Variants in CUL5 observed in about 807,000 individuals in gnomAD.
CUL5 encodes the protein cullin 5.
Under a neutral mutation model 108.8 loss-of-function variants are expected in CUL5, and 26 were observed. The ratio of observed to expected loss-of-function variants is 0.24; its 90% confidence interval spans 0.18 to 0.33. The LOEUF (loss-of-function observed/expected upper bound fraction) is 0.33, where lower values mean the gene tolerates loss of function less well. Among genes scored for constraint, CUL5 ranks in the 10% least tolerant of loss-of-function variants. CUL5 has a pLI of 1.00. For synonymous variants in CUL5, 334 were observed against 298.0 expected, an observed-to-expected ratio of 1.12 and a Z score of -1.25; for missense variants, 524 against 909.2, an observed-to-expected ratio of 0.58 and a Z score of 5.45.
chr11:108,080,241 C>T (rs915499592), intron 11 of CUL5, among the ~76,000 whole-genome samples: 2 of 150,420 alleles, frequency 1.3e-5, no homozygotes, highest in Non-Finnish European at 3.0e-5. Context: ...GGACTATAAG[C>T]ACACACCACC....
intron 17 of CUL5, 140 bp downstream of exon 17, chr11:108,097,894 T>C (rs948639670): frequency 1.5e-5 from 8 of 551,308 alleles, no homozygotes; most frequent in Non-Finnish European, 2.6e-5. Flanking sequence ...CATTTAGTTG[T>C]TTATGGAAAA....
intron 7 of CUL5, among the ~76,000 whole-genome samples, chr11:108,056,864 C>G (rs899346992): frequency 2.0e-5 from 3 of 152,124 alleles, no homozygotes; most frequent in African/African-American, 7.2e-5. Context: ...GGCTAGATAT[C>G]ACAGAGAATC....
chr11:108,029,678 A>G (rs190094405), intron 1 of CUL5, among the ~76,000 whole-genome samples: 1 of 152,356 alleles, frequency 6.6e-6, no homozygotes, highest in African/African-American at 2.4e-5. Flanking sequence ...GGAATCTATT[A>G]TAAAAGTTTA....
chr11:108,033,585 A>G (rs1862649433), intron 1 of CUL5, among the ~76,000 whole-genome samples: 8 of 152,158 alleles, frequency 5.3e-5, no homozygotes, highest in African/African-American at 1.2e-4. Context: ...GACAAGGCCA[A>G]ATTCTTCACT....
Position 108,107,030 on chromosome 11 carries a change from A to G in CUL5, c.*2646A>G, listed in dbSNP as rs1254500873. 5 of 150,992 alleles carry G rather than the reference A, an allele frequency of 3.3e-5. No homozygotes were observed. In the South Asian group the frequency reaches 1.1e-3, roughly 32 times the overall value. The allele number at this position is 150,992 out of a possible 1,614,324, so 9.4% of individuals were successfully genotyped here. On this transcript the variant is annotated 3_prime_UTR_variant, in exon 19 of 19. Coordinates refer to ENST00000393094, the MANE Select transcript of CUL5 (RefSeq NM_003478.6). ...GACAGAGTTTAAGAAGTAAAAATAT[A>G]GAAAAATTTTGATGGTCACAATGAG...
At chr11:108,085,479 TGAA>T (rs1218678209) in intron 11 of CUL5, among the ~76,000 whole-genome samples, 2 of 152,148 alleles carry the variant, frequency 1.3e-5, no homozygotes, top group Non-Finnish European at 2.9e-5. Context: ...TTTGGGATAA[TGAA>T]GAAGTTCTAG....
rs192407542 is a variant in CUL5, at chr11:108,075,475, G to A, written c.1113+1978G>A. Among the ~76,000 whole-genome samples the A allele has an allele frequency of 1.1e-3, 175 of 152,286 alleles. 2 individuals carry two copies. In the Middle Eastern group the frequency reaches 0.027, roughly 24 times the overall value. ...GGGAAAAGTATAAGGGATGTGGGAAGGTTTGACAGCATTTGTTACACCAGG... is the reference window on the plus strand; with the variant it reads ...GGGAAAAGTATAAGGGATGTGGGAAAGTTTGACAGCATTTGTTACACCAGG... On this transcript the variant is annotated intron_variant, in intron 10 of 18. Transcript: ENST00000393094.
rs552717977 is a variant in CUL5 at position 108,096,530 on chromosome 11, A to G, written c.1905+839A>G. ...AAGAGAAAGATTGAGTTGGTATTTAAGTGTTACCTGTGAGGAATGTGACCA... is the reference window on the plus strand; with the variant it reads ...AAGAGAAAGATTGAGTTGGTATTTAGGTGTTACCTGTGAGGAATGTGACCA... On this transcript the variant is annotated intron_variant, in intron 16 of 18. Coordinates refer to ENST00000393094, the MANE Select transcript of CUL5 (RefSeq NM_003478.6). Among the ~76,000 whole-genome samples the G allele has an allele frequency of 3.4e-5, 5 of 148,786 alleles. No individual in the cohort carries two copies. The South Asian group carries it at 1.1e-3, about 32-fold the overall frequency.
chr11:108,051,212 A>G (rs2135131394), intron 4 of CUL5, among the ~76,000 whole-genome samples: 1 of 152,338 alleles, frequency 6.6e-6, no homozygotes, highest in Non-Finnish European at 1.5e-5. Flanking sequence ...GCCAAGGGAA[A>G]AAAAAAAGTG....
intron 7 of CUL5, among the ~76,000 whole-genome samples, chr11:108,055,369 T>C (rs1449172015): frequency 1.3e-5 from 2 of 152,172 alleles, no homozygotes; most frequent in Non-Finnish European, 1.5e-5. Flanking sequence ...AATTAGTGAA[T>C]AATGAATCAT....
intron 11 of CUL5, among the ~76,000 whole-genome samples, chr11:108,087,561 G>C (rs997517529): frequency 3.3e-5 from 5 of 152,146 alleles, no homozygotes; most frequent in African/African-American, 1.2e-4. Flanking sequence ...GAGGAGTCCA[G>C]CCTGGACAAT....
chr11:108,020,224 A>AATTTAAAAGT (rs1435042587), intron 1 of CUL5, among the ~76,000 whole-genome samples: 1 of 152,108 alleles, frequency 6.6e-6, no homozygotes, highest in East Asian at 1.9e-4. Flanking sequence ...CCCTCTAATA[A>AATTTAAAAGT]ATTTAAAAGT....
At chr11:108,091,040 C>CTTTCTTTCTTTT (rs1864343020) in intron 13 of CUL5, among the ~76,000 whole-genome samples, 1 of 152,106 alleles carries the variant, frequency 6.6e-6, no homozygotes, top group Admixed American at 6.5e-5. Flanking sequence ...ATTAAATTTT[C>CTTTCTTTCTTTT]TTTCTTTCTT....
rs1287028953 is a variant in CUL5 at position 108,094,860 on chromosome 11, G to A, written c.1616G>A (p.Ser539Asn). ...KILNAGAWSR[S>N]SEKVFVSLPT... The stretch of plus-strand genomic sequence containing the variant: ...CTGAATGCTGGCGCCTGGTCAAGAA[G>A]TTCTGAGAAAGTCTTTGTCTCACTT... Residue 539 changes from serine (S) to asparagine (N), a missense_variant, in exon 15 of 19, where the codon AGT becomes AAT. Ser to Asn is a conservative substitution (Grantham distance 46). Coordinates refer to ENST00000393094, the MANE Select transcript of CUL5 (RefSeq NM_003478.6). 1 of 1,612,526 alleles carries A rather than the reference G, an allele frequency of 6.2e-7. No homozygotes were observed. Among genetic ancestry groups the A allele is most frequent in the Non-Finnish European group, 8.5e-7 (1 of 1,179,326 alleles).
chr11:108,041,552 C>T (rs1003174840), intron 2 of CUL5, among the ~76,000 whole-genome samples: 1 of 151,506 alleles, frequency 6.6e-6, no homozygotes, highest in Non-Finnish European at 1.5e-5. Flanking sequence ...GCTGGGATTA[C>T]AGGTAGAGCC....
chr11:108,027,831 CCTGAT>C (rs1197977174), intron 1 of CUL5, among the ~76,000 whole-genome samples: 1 of 152,200 alleles, frequency 6.6e-6, no homozygotes, highest in African/African-American at 2.4e-5. Context: ...GGTTATCTTA[CCTGAT>C]CTGTCAGGAG....
intron 11 of CUL5, among the ~76,000 whole-genome samples, chr11:108,083,148 G>A (rs1251326548): frequency 6.6e-6 from 1 of 152,090 alleles, no homozygotes; most frequent in East Asian, 1.9e-4. Flanking sequence ...AAATGGCAGG[G>A]GTGAATTCAG....
rs942092041 is a variant in CUL5, at chr11:108,094,334, A to C, written c.1444-57A>C. 5 of 1,292,726 alleles carry C rather than the reference A, an allele frequency of 3.9e-6. No homozygotes were observed. The African/African-American group carries it at 7.7e-5, about 20-fold the overall frequency. The allele number at this position is 1,292,726 out of a possible 1,614,324, so 80.1% of individuals were successfully genotyped here. ...TAGTTTTTCTATTAAAATTTTTCCC[A>C]GTAATATATCAGATTATGTATTTAT... On this transcript the variant is annotated intron_variant, in intron 13 of 18. Coordinates refer to ENST00000393094, the MANE Select transcript of CUL5 (RefSeq NM_003478.6).
At chr11:108,059,032 C>T (rs953981702) in intron 7 of CUL5, among the ~76,000 whole-genome samples, 5 of 152,090 alleles carry the variant, frequency 3.3e-5, no homozygotes, top group Admixed American at 6.6e-5. Flanking sequence ...GGCAGAGTCT[C>T]GCTATGTTGC....
Sources: gnomAD v4.1 joint callset for allele counts (sites outside exome capture counted in the v4.1 genomes callset) on GRCh38, gnomAD v4.1.1 for gene constraint, MANE v1.5 for transcripts, NCBI Gene and HGNC (gene_info 2026-07-23, HGNC 2026-07-21) for gene names.